Variants in FGGY observed in about 807,000 individuals in gnomAD.
FGGY encodes FGGY carbohydrate kinase domain containing.
Under a neutral mutation model 71.3 loss-of-function variants are expected in FGGY, and 72 were observed. The observed-to-expected ratio is 1.01, with a 90% CI of 0.84 to 1.23. The LOEUF is 1.23. Ranked by LOEUF, FGGY falls within the 50% of genes most tolerant of loss-of-function variation. The probability of loss-of-function intolerance (pLI) is 0.00; values close to 1 mark genes in which losing one functional copy is unlikely to be tolerated. For missense variants in FGGY, 668 were observed against 682.3 expected (o/e 0.98, Z 0.23); for synonymous variants, 251 against 250.3 (o/e 1.00, Z -0.02).
intron 14 of FGGY, chr1:59,697,793 C>T (rs1001054539): frequency 1.1e-6 from 1 of 938,264 alleles, no homozygotes; most frequent in African/African-American, 1.8e-5. Flanking sequence ...TCCACATCAC[C>T]CCCTATTTTC....
At chr1:59,608,894 G>A (rs1295127971) in intron 9 of FGGY, among the ~76,000 whole-genome samples, 4 of 152,140 alleles carry the variant, frequency 2.6e-5, no homozygotes, top group African/African-American at 9.7e-5. Flanking sequence ...TCAGTGCCAG[G>A]TTCATAGAAG....
intron 14 of FGGY, among the ~76,000 whole-genome samples, chr1:59,710,615 C>T (rs1182529779): frequency 6.6e-6 from 1 of 152,026 alleles, no homozygotes; most frequent in Admixed American, 6.6e-5. Context: ...AAAGCAACCC[C>T]ATCAAAAAGT....
intron 5 of FGGY, among the ~76,000 whole-genome samples, chr1:59,425,785 T>G (rs1469290265): frequency 6.6e-6 from 1 of 152,244 alleles, no homozygotes; most frequent in Non-Finnish European, 1.5e-5. Flanking sequence ...TTGAATTTAC[T>G]GTTCCCTTTG....
At chr1:59,609,820 A>G (rs575781833) in intron 9 of FGGY, among the ~76,000 whole-genome samples, 1 of 152,326 alleles carries the variant, frequency 6.6e-6, no homozygotes, top group East Asian at 1.9e-4. Flanking sequence ...TTCAAAGGGC[A>G]TGTTCTGTAC....
rs888892539 is a variant in FGGY at position 59,581,942 on chromosome 1, G to A, written c.904-25861G>A. On this transcript the variant is annotated intron_variant, in intron 8 of 15. Transcript: ENST00000303721. ...ACATGAAAAATATTTATTTAGCTGT[G>A]ATCATCTATTTGATAAATTGTCAGA... Among the ~76,000 whole-genome samples the A allele has an allele frequency of 7.3e-5, 11 of 149,872 alleles. 1 individual carries two copies. Among genetic ancestry groups the A allele is most frequent in the African/African-American group, 2.8e-4 (11 of 39,576 alleles).
intron 14 of FGGY, among the ~76,000 whole-genome samples, chr1:59,751,191 C>T (rs1430058483): frequency 6.6e-5 from 10 of 152,156 alleles, no homozygotes; most frequent in Non-Finnish European, 4.4e-5. Flanking sequence ...TCTCTATTTT[C>T]AGTTCCTTTA....
intron 5 of FGGY, among the ~76,000 whole-genome samples, chr1:59,426,924 T>C (rs1572018480): frequency 6.6e-6 from 1 of 152,086 alleles, no homozygotes; most frequent in Non-Finnish European, 1.5e-5. Context: ...AATACAGCTT[T>C]GATTATTATG....
At chr1:59,702,993 A>T (rs2097722672) in intron 14 of FGGY, among the ~76,000 whole-genome samples, 1 of 152,120 alleles carries the variant, frequency 6.6e-6, no homozygotes, top group Middle Eastern at 3.4e-3. Flanking sequence ...CCCCACTTTT[A>T]TCTGTTATTC....
At chr1:59,380,487 C>T (rs552780848) in intron 5 of FGGY, among the ~76,000 whole-genome samples, 3 of 151,670 alleles carry the variant, frequency 2.0e-5, no homozygotes, top group South Asian at 2.1e-4. Flanking sequence ...AGATCGCCAT[C>T]CTAACTGGTG....
chr1:59,595,138 G>A (rs2153799898), intron 8 of FGGY, among the ~76,000 whole-genome samples: 1 of 152,280 alleles, frequency 6.6e-6, no homozygotes, highest in South Asian at 2.1e-4. Context: ...CTTGGTACCT[G>A]TAGGACAATG....
At chr1:59,570,774 C>G (rs1304408327) in intron 8 of FGGY, among the ~76,000 whole-genome samples, 3 of 152,190 alleles carry the variant, frequency 2.0e-5, no homozygotes, top group Non-Finnish European at 2.9e-5. Flanking sequence ...TAATCCAGCT[C>G]TCTACCCAGC....
chr1:59,564,723 A>G (rs1332124072), intron 8 of FGGY, among the ~76,000 whole-genome samples: 1 of 152,234 alleles, frequency 6.6e-6, no homozygotes, highest in African/African-American at 2.4e-5. Context: ...ACATTTTAGC[A>G]GTTTCATAAA....
rs571428332 is a variant in FGGY, at chr1:59,657,876, T to A, written c.1222-2343T>A. Among the ~76,000 whole-genome samples the A allele has an allele frequency of 2.0e-5, 3 of 152,292 alleles. No individual in the cohort carries two copies. In the South Asian group the frequency reaches 6.2e-4, roughly 32 times the overall value. ...GCAACATGGAGCAAGTAACTAAAAGTGTTCTTCCAGTGTTCTTTTCTCTTG... is the reference window on the plus strand; with the variant it reads ...GCAACATGGAGCAAGTAACTAAAAGAGTTCTTCCAGTGTTCTTTTCTCTTG... On this transcript the variant is annotated intron_variant, in intron 11 of 15. Transcript: ENST00000303721.
intron 6 of FGGY, among the ~76,000 whole-genome samples, chr1:59,467,724 C>T (rs950151375): frequency 1.2e-4 from 18 of 152,094 alleles, no homozygotes; most frequent in Non-Finnish European, 2.4e-4. Context: ...AATGGATTTC[C>T]TCCATCCCTA....
At chr1:59,312,763 G>A (rs2044606216) in intron 1 of FGGY, among the ~76,000 whole-genome samples, 1 of 152,172 alleles carries the variant, frequency 6.6e-6, no homozygotes, top group South Asian at 2.1e-4. Context: ...CATTACCTGT[G>A]TGGCTCTTGG....
chr1:59,598,299 A>G (rs369273394), intron 8 of FGGY, among the ~76,000 whole-genome samples: 122 of 152,316 alleles, frequency 8.0e-4, no homozygotes, highest in African/African-American at 2.9e-3. Flanking sequence ...GAACTTTTGG[A>G]AGGCTTCAGA....
At chr1:59,457,877 G>T (rs72913798) in intron 6 of FGGY, among the ~76,000 whole-genome samples, 3,679 of 152,212 alleles carry the variant, frequency 0.024, 164 homozygotes, top group African/African-American at 0.085. Flanking sequence ...TCAGACTAAG[G>T]CCTTTTATGT....
intron 7 of FGGY, among the ~76,000 whole-genome samples, chr1:59,541,444 A>G (rs2153687421): frequency 6.6e-6 from 1 of 152,222 alleles, no homozygotes; most frequent in East Asian, 1.9e-4. Flanking sequence ...CAGAGCTGGA[A>G]ATCCTGGCAA....
chr1:59,726,236 A>G (rs2097946389), intron 14 of FGGY, among the ~76,000 whole-genome samples: 1 of 152,066 alleles, frequency 6.6e-6, no homozygotes, highest in African/African-American at 2.4e-5. Context: ...ACATTGACTG[A>G]TTTTTGAATG....
Sources: gnomAD v4.1 joint callset for allele counts (sites outside exome capture counted in the v4.1 genomes callset) on GRCh38, gnomAD v4.1.1 for gene constraint, MANE v1.5 for transcripts, NCBI Gene and HGNC (gene_info 2026-07-23, HGNC 2026-07-21) for gene names.